Variants in PTPRU observed in about 807,000 individuals in gnomAD.
The protein encoded by PTPRU is receptor-type tyrosine-protein phosphatase U.
PTPRU carries 69 observed loss-of-function variants against 166.3 expected under a neutral mutation model. The observed-to-expected ratio is 0.41, with a 90% CI of 0.34 to 0.51. PTPRU has a LOEUF of 0.51. Ranked by LOEUF, PTPRU falls within the 20% of genes least tolerant of loss-of-function variation. PTPRU has a pLI of 0.09. For missense variants in PTPRU, 1,657 were observed against 2,013.7 expected, an observed-to-expected ratio of 0.82 and a Z score of 3.39; for synonymous variants, 793 against 814.0, an observed-to-expected ratio of 0.97 and a Z score of 0.44.
chr1:29,287,311 C>T (rs1318686731), intron 14 of PTPRU, among the ~76,000 whole-genome samples: 1 of 152,144 alleles, frequency 6.6e-6, no homozygotes, highest in Non-Finnish European at 1.5e-5. Context: ...CCCCATACCC[C>T]ACCCTTCTCC....
At chr1:29,284,645 T>G in intron 13 of PTPRU, 86 bp from the exon 14 acceptor site, 2 of 1,589,610 alleles carry the variant, frequency 1.3e-6, no homozygotes, top group Non-Finnish European at 8.6e-7. Flanking sequence ...GCAGCCCAGT[T>G]TGTTCCTTGG....
Position 29,269,219 on chromosome 1 carries a change from C to CAAATATATATATATATATATATATAT in PTPRU, c.1145-6228_1145-6227insAATATATATATATATATATATATATA, listed in dbSNP as rs1365617963. On this transcript the variant is annotated intron_variant, in intron 7 of 29. Transcript: ENST00000373779. ...CCACCATGCCCAGCTAATTTATATA[C>CAAATATATATATATATATATATATAT]ATATATATATATATATATATATATA... Among the ~76,000 whole-genome samples the CAAATATATATATATATATATATATAT allele has an allele frequency of 7.1e-5, 3 of 42,408 alleles. 1 individual carries two copies. 27.8% of individuals were successfully genotyped at this position (42,408 alleles called of 152,430 possible).
chr1:29,261,028 C>A, intron 7 of PTPRU, 125 bp downstream of exon 7: 1 of 1,129,976 alleles, frequency 8.8e-7, no homozygotes, highest in Non-Finnish European at 1.2e-6. Context: ...TTTCCTCAAC[C>A]CTTGTTATGG....
intron 11 of PTPRU, among the ~76,000 whole-genome samples, chr1:29,281,148 C>T (rs1686067597): frequency 6.6e-6 from 1 of 152,032 alleles, no homozygotes; most frequent in Non-Finnish European, 1.5e-5. Context: ...AGTCAGTTCC[C>T]TAGGAAGAGA....
At chr1:29,259,401 C>T in intron 4 of PTPRU, 48 bp from the exon 5 acceptor site, 1 of 1,608,298 alleles carries the variant, frequency 6.2e-7, no homozygotes, top group African/African-American at 1.3e-5. Flanking sequence ...GCGGCTCCTG[C>T]CTGCAGGGGG....
chr1:29,260,681 ACCAACT>A lies in PTPRU; in HGVS notation c.926_931del (p.Asn309_Ser310del). The stretch of plus-strand genomic sequence containing the variant: ...CACCTACCTCATCATCCAGCTCAAC[ACCAACT>A]CCATCATTGGCGACGGGCCGATCGT... On this transcript the variant is annotated inframe_deletion, in exon 7 of 30. Transcript: ENST00000373779. The surrounding 1 kb of genome is among the most constrained non-coding windows in gnomAD (Gnocchi z 8.3). 1 of 1,574,982 alleles carries A rather than the reference ACCAACT, an allele frequency of 6.3e-7. No individual in the cohort carries two copies. Among genetic ancestry groups the A allele is most frequent in the Non-Finnish European group, 8.6e-7 (1 of 1,158,338 alleles).
intron 24 of PTPRU, among the ~76,000 whole-genome samples, chr1:29,316,524 A>C (rs1307917889): frequency 6.6e-6 from 1 of 152,102 alleles, no homozygotes; most frequent in Non-Finnish European, 1.5e-5. Flanking sequence ...TTTGGTTGTG[A>C]GTGATGAAAA....
chr1:29,277,803 C>CTTTTTT (rs71586898), intron 8 of PTPRU, among the ~76,000 whole-genome samples: 1,395 of 50,548 alleles, frequency 0.028, 345 homozygotes, highest in Non-Finnish European at 0.037. Flanking sequence ...AGTTGTCATT[C>CTTTTTT]TTTTTTTTTT....
intron 7 of PTPRU, among the ~76,000 whole-genome samples, chr1:29,263,605 C>T (rs958932276): frequency 3.3e-5 from 5 of 152,094 alleles, no homozygotes; most frequent in African/African-American, 9.7e-5. Context: ...TTTAAATTTC[C>T]ACTACTTGTC....
At chr1:29,284,623 AG>A in intron 13 of PTPRU, 107 bp from the exon 14 acceptor site, 1 of 1,470,270 alleles carries the variant, frequency 6.8e-7, no homozygotes, top group Non-Finnish European at 9.5e-7. Flanking sequence ...TTGAGGATGT[AG>A]GGCGGTTTGT....
intron 14 of PTPRU, among the ~76,000 whole-genome samples, chr1:29,286,177 G>T (rs1123774): frequency 6.6e-6 from 1 of 152,076 alleles, no homozygotes; most frequent in East Asian, 1.9e-4. Context: ...TGGAGGAGAT[G>T]GGGGGGATGG....
chr1:29,291,457 C>T lies in PTPRU; in HGVS notation c.2319-412C>T, dbSNP rs1686628923. Among the ~76,000 whole-genome samples, 1 of 152,002 alleles carries T rather than the reference C, an allele frequency of 6.6e-6. No homozygotes were observed. ...CGGGGAGGAGAGAGGTGGGGACATG[C>T]TGGGCCTGGAGCTGGGCCAGCCATT... On this transcript the variant is annotated intron_variant, in intron 14 of 29. Transcript: ENST00000373779. The surrounding 1 kb of genome is among the most constrained non-coding windows in gnomAD (Gnocchi z 4.1).
Position 29,284,845 on chromosome 1 carries a change from C to G in PTPRU, c.2294C>G (p.Ala765Gly). 1.9e-6 allele frequency: 3 copies of G among 1,612,684 alleles called. No homozygotes were observed. The highest frequency in any genetic ancestry group is 8.5e-7 in the Non-Finnish European group (1 of 1,179,068). The change falls in exon 14 of 30, where the codon GCC becomes GGC. Residue 765 changes from alanine to glycine, a missense_variant. Physicochemically the swap from Ala to Gly is moderately conservative, Grantham distance 60. Coordinates refer to ENST00000373779, the MANE Select transcript of PTPRU (RefSeq NM_133178.4). ...GLAVLILLLGAIIVIIRKGKP... is the reference protein window; with the variant it reads ...GLAVLILLLGGIIVIIRKGKP... ...GCTGTCCTCATCCTTCTCCTGGGTG[C>G]CATCATTGTCATCATCCGCAAAGGG...
At position 29,279,674 on chromosome 1, in the gene PTPRU, C is replaced by G; in HGVS notation, c.1765+17C>G. 3 of 1,607,492 alleles carry G rather than the reference C, an allele frequency of 1.9e-6. No homozygotes were observed. The highest frequency in any genetic ancestry group is 2.5e-6 in the Non-Finnish European group (3 of 1,178,800). On this transcript the variant is annotated intron_variant, in intron 10 of 29. Coordinates refer to ENST00000373779, the MANE Select transcript of PTPRU (RefSeq NM_133178.4). The surrounding 1 kb of genome is among the most constrained non-coding windows in gnomAD (Gnocchi z 5.2). Reference sequence around the variant, plus strand: ...ACATCTCTGGTGAGCCCCACCTGACCCGGCCCAGCCTCTTCGGAGGTGGCC... The same window carrying G: ...ACATCTCTGGTGAGCCCCACCTGACGCGGCCCAGCCTCTTCGGAGGTGGCC...
At chr1:29,307,271 A>C in intron 18 of PTPRU, 2 of 1,294,360 alleles carry the variant, frequency 1.5e-6, no homozygotes, top group Non-Finnish European at 2.2e-6. Flanking sequence ...CTTTCTACTT[A>C]TGTGCCCAGC....
chr1:29,247,156 C>T (rs1684333789), intron 1 of PTPRU, among the ~76,000 whole-genome samples: 1 of 152,244 alleles, frequency 6.6e-6, no homozygotes, highest in Non-Finnish European at 1.5e-5. Context: ...ATGCATGAAG[C>T]TTGAACTAGT....
chr1:29,322,167 A>G (rs1030806310), intron 26 of PTPRU, among the ~76,000 whole-genome samples: 2 of 152,250 alleles, frequency 1.3e-5, no homozygotes, highest in Non-Finnish European at 2.9e-5. Flanking sequence ...CATCCTTGCT[A>G]GGGTAGAGGG....
Position 29,238,084 on chromosome 1 carries a change from G to A in PTPRU, c.73+1367G>A, listed in dbSNP as rs1051024270. ...CAGGTGTGTGCTTGAGTGTGAGCGT[G>A]AGTGTGAGCGTGTGGCTCCGCGCTT... On this transcript the variant is annotated intron_variant, in intron 1 of 29. Coordinates refer to ENST00000373779, the MANE Select transcript of PTPRU (RefSeq NM_133178.4). This position sits in a 1 kb window ranked among gnomAD's most constrained non-coding sequence, Gnocchi z 6.1. 1.1e-4 allele frequency among the ~76,000 whole-genome samples: 16 copies of A among 151,932 alleles called. No individual in the cohort carries two copies. The highest frequency in any genetic ancestry group is 1.9e-4 in the Non-Finnish European group (13 of 67,934).
At chr1:29,323,931 C>T (rs552538966) in intron 28 of PTPRU, 143 bp downstream of exon 28, 20 of 1,106,166 alleles carry the variant, frequency 1.8e-5, no homozygotes, top group African/African-American at 1.4e-4. Flanking sequence ...GGCCAGGATG[C>T]TGCCCAACCA....
Sources: gnomAD v4.1 joint callset for allele counts (sites outside exome capture counted in the v4.1 genomes callset) on GRCh38, gnomAD v4.1.1 for gene constraint, Gnocchi (gnomAD v3.1) non-coding constraint, MANE v1.5 for transcripts, NCBI Gene and HGNC (gene_info 2026-07-23, HGNC 2026-07-21) for gene names.